Variants in PI15 observed in about 807,000 individuals in gnomAD.
PI15 encodes peptidase inhibitor 15, also known as 25 kDa trypsin inhibitor.
Under a neutral mutation model 31.0 loss-of-function variants are expected in PI15, and 18 were observed. That is an observed-to-expected ratio of 0.58 (90% CI 0.40 to 0.86). The LOEUF is 0.86. PI15 is among the 40% of genes least tolerant of loss of function. PI15 has a pLI of 0.00. For synonymous variants in PI15, 118 were observed against 119.1 expected (o/e 0.99, Z 0.06); for missense variants, 282 against 328.1 (o/e 0.86, Z 1.09).
In PI15 at chr8:74,854,313, C is replaced by A. The variant is rs1811149715; in HGVS notation, c.*5060C>A. 6.6e-6 allele frequency: 1 copy of A among 151,962 alleles called. No individual in the cohort carries two copies. The highest frequency in any genetic ancestry group is 1.5e-5 in the Non-Finnish European group (1 of 67,908). 9.4% of individuals were successfully genotyped at this position (151,962 alleles called of 1,614,324 possible). Reference sequence around the variant, plus strand: ...CCTTGAAGCACTTTCCAAATTGATACTTTCAAACTTATTTTAAAGCAGTAG... The same window carrying A: ...CCTTGAAGCACTTTCCAAATTGATAATTTCAAACTTATTTTAAAGCAGTAG... On this transcript the variant is annotated 3_prime_UTR_variant, in exon 6 of 6. Transcript: ENST00000260113.
intron 5 of PI15, chr8:74,845,901 A>C (rs1419217905): frequency 6.3e-6 from 1 of 159,472 alleles, no homozygotes; most frequent in Non-Finnish European, 1.4e-5. Flanking sequence ...ATTGGAAGTC[A>C]ATTCCTTCTT....
chr8:74,840,097 A>T (rs1044023523), intron 2 of PI15, among the ~76,000 whole-genome samples: 5 of 152,122 alleles, frequency 3.3e-5, no homozygotes, highest in East Asian at 1.9e-4. Flanking sequence ...TTTAATTTTT[A>T]AAATTTTTTA....
chr8:74,845,410 G>T lies in PI15; in HGVS notation c.554G>T (p.Gly185Val). 1 of 1,613,978 alleles carries T rather than the reference G, an allele frequency of 6.2e-7. No individual in the cohort carries two copies. Among genetic ancestry groups the T allele is most frequent in the Non-Finnish European group, 8.5e-7 (1 of 1,179,902 alleles). ...GTTTGGGCCACTTCCAATCGGATAG[G>T]ATGCGCAATTCATACTTGCCAAAAC... Reference protein sequence around the residue: ...QMVWATSNRIGCAIHTCQNMN... With the variant: ...QMVWATSNRIVCAIHTCQNMN... Residue 185 changes from glycine to valine, a missense_variant, in exon 5 of 6, where the codon GGA becomes GTA. By Grantham distance (109) the Gly-to-Val change is moderately radical. Transcript: ENST00000260113.
intron 2 of PI15, among the ~76,000 whole-genome samples, chr8:74,831,593 A>C (rs562431911): frequency 2.6e-4 from 40 of 151,870 alleles, no homozygotes; most frequent in African/African-American, 9.2e-4. Context: ...GAGCAAAGGG[A>C]CTCTCTTTGG....
At chr8:74,831,333 C>T (rs1221589046) in intron 2 of PI15, among the ~76,000 whole-genome samples, 3 of 152,114 alleles carry the variant, frequency 2.0e-5, no homozygotes, top group East Asian at 3.9e-4. Flanking sequence ...CCAAATGCAA[C>T]ATTGTAGAAA....
At chr8:74,830,344 C>G (rs772381330) in intron 2 of PI15, among the ~76,000 whole-genome samples, 15 of 151,944 alleles carry the variant, frequency 9.9e-5, no homozygotes, top group Non-Finnish European at 2.2e-4. Flanking sequence ...ATTGATAATA[C>G]AGTATCTCTT....
chr8:74,827,999 T>G (rs1273754447), intron 2 of PI15, among the ~76,000 whole-genome samples: 1 of 152,138 alleles, frequency 6.6e-6, no homozygotes, highest in African/African-American at 2.4e-5. Flanking sequence ...CACCTGTATT[T>G]GCTAATTTAA....
At chr8:74,849,014 G>A (rs749177863) in intron 5 of PI15, 104 bp from the exon 6 acceptor site, 11 of 895,056 alleles carry the variant, frequency 1.2e-5, no homozygotes, top group East Asian at 7.9e-5. Flanking sequence ...CTTCTCAAAC[G>A]GATCATCACA....
chr8:74,843,857 C>A, intron 2 of PI15, 124 bp from the exon 3 acceptor site: 1 of 707,442 alleles, frequency 1.4e-6, no homozygotes, highest in South Asian at 1.7e-5. Flanking sequence ...GCAGAAAAAA[C>A]AAAAACAAAA....
Position 74,845,274 on chromosome 8 carries a change from C to A in PI15, c.525+14C>A, listed in dbSNP as rs185082542. The A allele has an allele frequency of 5.6e-5, 91 of 1,611,426 alleles. No individual in the cohort carries two copies. The highest frequency in any genetic ancestry group is 7.3e-5 in the Non-Finnish European group (86 of 1,177,572). ...CATTATACGCAGGTTATTTCAATTA[C>A]CTTGTTAATTTTTGATTCATACTTT... On this transcript the variant is annotated intron_variant, in intron 4 of 5. Transcript: ENST00000260113.
chr8:74,834,129 T>C (rs1810827739), intron 2 of PI15, among the ~76,000 whole-genome samples: 1 of 152,182 alleles, frequency 6.6e-6, no homozygotes, highest in African/African-American at 2.4e-5. Context: ...GGAAGAATTT[T>C]CTTCCACAAA....
chr8:74,847,880 AC>A (rs1233377501), intron 5 of PI15, among the ~76,000 whole-genome samples: 2 of 152,072 alleles, frequency 1.3e-5, no homozygotes, highest in African/African-American at 4.8e-5. Context: ...CTTATCTTCA[AC>A]CCTGACTTTT....
At chr8:74,829,737 G>A (rs905192916) in intron 2 of PI15, among the ~76,000 whole-genome samples, 5 of 152,004 alleles carry the variant, frequency 3.3e-5, no homozygotes, top group African/African-American at 1.2e-4. Flanking sequence ...TAATAAAAGA[G>A]GTACAGAAAA....
intron 3 of PI15, chr8:74,844,738 T>C (rs1292080400): frequency 1.7e-5 from 3 of 179,388 alleles, no homozygotes; most frequent in African/African-American, 7.1e-5. Context: ...CAGACTGAAG[T>C]GAAAAAAATG....
At chr8:74,826,705 A>T (rs1402920355) in intron 2 of PI15, among the ~76,000 whole-genome samples, 1 of 152,104 alleles carries the variant, frequency 6.6e-6, no homozygotes, top group Non-Finnish European at 1.5e-5. Context: ...CCTGAAGTAT[A>T]TGCTGAATGA....
intron 5 of PI15, among the ~76,000 whole-genome samples, chr8:74,847,917 C>A (rs543183141): frequency 2.6e-5 from 4 of 152,026 alleles, no homozygotes; most frequent in Admixed American, 2.0e-4. Flanking sequence ...AATTTTCTCC[C>A]GACCATTTAA....
intron 5 of PI15, chr8:74,845,795 A>C: frequency 3.7e-6 from 1 of 271,546 alleles, no homozygotes; most frequent in African/African-American, 2.1e-5. Flanking sequence ...GTACCACACA[A>C]GCTTTTAATA....
At position 74,829,384 on chromosome 8, in the gene PI15, G is replaced by T. The variant is rs185090208; in HGVS notation, c.273+3862G>T. Among the ~76,000 whole-genome samples, 1,109 of 151,986 alleles carry T rather than the reference G, an allele frequency of 7.3e-3. 18 individuals carry two copies. Among genetic ancestry groups the T allele is most frequent in the African/African-American group, 0.019 (793 of 41,480 alleles). On this transcript the variant is annotated intron_variant, in intron 2 of 5. Coordinates refer to ENST00000260113, the MANE Select transcript of PI15 (RefSeq NM_015886.5). ...ACAATTAGTTTATTGACTATTTCCA[G>T]AGCTTCTTGCACACCAGCTGTTTTT...
Position 74,852,421 on chromosome 8 carries a change from A to C in PI15, c.*3168A>C, listed in dbSNP as rs1811121150. 1.3e-5 allele frequency: 2 copies of C among 152,148 alleles called. No homozygotes were observed. The highest frequency in any genetic ancestry group is 4.8e-5 in the African/African-American group (2 of 41,448). 9.4% of individuals were successfully genotyped at this position (152,148 alleles called of 1,614,324 possible). On this transcript the variant is annotated 3_prime_UTR_variant, in exon 6 of 6. Coordinates refer to ENST00000260113, the MANE Select transcript of PI15 (RefSeq NM_015886.5). ...GGTTATGACAGATAAGTTTGCTCAA[A>C]AAATGTGGATGAAGCCATTATTGTT...
Sources: allele counts gnomAD v4.1 joint callset (sites outside exome capture counted in the v4.1 genomes callset), GRCh38; gene constraint gnomAD v4.1.1; transcripts MANE v1.5; gene names NCBI Gene and HGNC (gene_info 2026-07-23, HGNC 2026-07-21).